Variants in POC5 observed in about 807,000 individuals in gnomAD.
POC5 encodes the protein centrosomal protein POC5.
Under a neutral mutation model 62.9 loss-of-function variants are expected in POC5, and 48 were observed. The ratio of observed to expected loss-of-function variants is 0.76; its 90% CI spans 0.61 to 0.97. The LOEUF (loss-of-function observed/expected upper bound fraction) is 0.97. POC5 is among the 50% of genes least tolerant of loss of function. The pLI is 0.00. For synonymous variants in POC5, 236 were observed against 228.2 expected, an observed-to-expected ratio of 1.03 and a Z score of -0.31; for missense variants, 696 against 679.5, an observed-to-expected ratio of 1.02 and a Z score of -0.27.
chr5:75,698,516 C>T (rs1776711467), intron 5 of POC5, among the ~76,000 whole-genome samples: 1 of 151,738 alleles, frequency 6.6e-6, no homozygotes, highest in African/African-American at 2.4e-5. Context: ...TCTTTGAAAC[C>T]ACCGAGAACA....
At chr5:75,675,685 T>G (rs1775623863) in intron 11 of POC5, among the ~76,000 whole-genome samples, 1 of 152,226 alleles carries the variant, frequency 6.6e-6, no homozygotes, top group Non-Finnish European at 1.5e-5. Context: ...GATAAGAAAT[T>G]TTAGTTGCCA....
intron 1 of POC5, among the ~76,000 whole-genome samples, 192 bp from the exon 2 acceptor site, chr5:75,713,143 T>C (rs543964070): frequency 1.2e-4 from 18 of 152,298 alleles, no homozygotes; most frequent in African/African-American, 3.6e-4. Flanking sequence ...CCAGTCCCAA[T>C]ATTAGTGAGT....
intron 5 of POC5, among the ~76,000 whole-genome samples, chr5:75,699,010 T>G (rs1335102555): frequency 6.6e-6 from 1 of 151,964 alleles, no homozygotes; most frequent in East Asian, 1.9e-4. Context: ...CTCCCAAGAC[T>G]AAACCAGGAA....
Position 75,677,947 on chromosome 5 carries a change from C to A in POC5, c.1411G>T (p.Val471Leu). The A allele has an allele frequency of 1.3e-6, 2 of 1,526,152 alleles. No homozygotes were observed. The highest frequency in any genetic ancestry group is 2.1e-5 in the Admixed American group (1 of 46,554). The allele number at this position is 1,526,152 out of a possible 1,614,324, so 94.5% of individuals were successfully genotyped here. A position where few individuals can be genotyped will look rare whatever the true frequency, so the allele number is the denominator to read the frequency against. ...AATAASEEMY[V>L]PRVVTSAQQK... ...TGTGCAGAGGTTACAACTCTTGGCACATACTAAGAAGAAAAAAAAATAAAA... is the reference window on the plus strand; with the variant it reads ...TGTGCAGAGGTTACAACTCTTGGCAAATACTAAGAAGAAAAAAAAATAAAA... Residue 471 changes from valine (V) to leucine (L), a missense_variant, in exon 11 of 12, where the codon GTG becomes TTG. Physicochemically the swap from Val to Leu is conservative, Grantham distance 32. Transcript: ENST00000428202.
At chr5:75,700,598 C>G in intron 5 of POC5, among the ~76,000 whole-genome samples, 1 of 150,154 alleles carries the variant, frequency 6.7e-6, no homozygotes, top group African/African-American at 2.4e-5. Flanking sequence ...AAATGTTAGA[C>G]CTAAAACCAT....
At chr5:75,681,891 T>C (rs1368049241) in intron 10 of POC5, among the ~76,000 whole-genome samples, 1 of 152,198 alleles carries the variant, frequency 6.6e-6, no homozygotes, top group African/African-American at 2.4e-5. Context: ...CACAGTAAGT[T>C]AGCCAACTAC....
intron 11 of POC5, among the ~76,000 whole-genome samples, chr5:75,676,601 A>G (rs1250255223): frequency 2.6e-5 from 4 of 152,158 alleles, no homozygotes; most frequent in Non-Finnish European, 4.4e-5. Context: ...TAATACTTAG[A>G]AAGTACACAG....
chr5:75,692,448 A>C lies in POC5; in HGVS notation c.743T>G (p.Leu248Trp). 1 of 1,599,500 alleles carries C rather than the reference A, an allele frequency of 6.3e-7. No individual in the cohort carries two copies. The highest frequency in any genetic ancestry group is 8.5e-7 in the Non-Finnish European group (1 of 1,172,654). Residue 248 changes from leucine (L) to tryptophan (W), a missense_variant, in exon 7 of 12, where the codon TTG becomes TGG. Physicochemically the swap from Leu to Trp is moderately conservative, Grantham distance 61. Transcript: ENST00000428202. ...TCGCCAGTGGAAGAATGTTCTCATC[A>C]ACTCTATCTTTTCCTTTTGCTTGCC... ...AIGKQKEKIE[L>W]MRTFFHWRIG... is the part of the protein sequence containing the mutation.
At chr5:75,697,634 G>T (rs951025298) in intron 5 of POC5, among the ~76,000 whole-genome samples, 2 of 151,978 alleles carry the variant, frequency 1.3e-5, no homozygotes, top group South Asian at 2.1e-4. Context: ...AGACTAGGAA[G>T]AAACTGCATC....
At chr5:75,690,610 T>C (rs778620862) in intron 7 of POC5, 48 bp from the exon 8 acceptor site, 6 of 1,380,068 alleles carry the variant, frequency 4.3e-6, no homozygotes, top group East Asian at 2.5e-5. Context: ...GATTGATAAA[T>C]ATATTGGTAG....
At chr5:75,708,732 C>T (rs1267670210) in intron 2 of POC5, among the ~76,000 whole-genome samples, 2 of 152,040 alleles carry the variant, frequency 1.3e-5, no homozygotes, top group African/African-American at 2.4e-5. Flanking sequence ...TTTAAAAAAG[C>T]TTATGCTTTT....
chr5:75,701,284 G>A (rs1243322694), intron 5 of POC5, among the ~76,000 whole-genome samples: 4 of 131,826 alleles, frequency 3.0e-5, no homozygotes, highest in South Asian at 2.7e-4. Context: ...TGTTTATTGC[G>A]GCATTATTCA....
chr5:75,705,054 G>C (rs1384302833), intron 4 of POC5, among the ~76,000 whole-genome samples: 1 of 152,086 alleles, frequency 6.6e-6, no homozygotes, highest in Non-Finnish European at 1.5e-5. Flanking sequence ...TTAAAAATTA[G>C]CTAGGTGTGG....
chr5:75,685,716 A>G (rs1776075536), intron 9 of POC5, among the ~76,000 whole-genome samples: 1 of 152,232 alleles, frequency 6.6e-6, no homozygotes, highest in Non-Finnish European at 1.5e-5. Context: ...AAGCTAATGG[A>G]TCATTTGTTC....
chr5:75,704,153 CAAAAAA>C (rs373819320), intron 4 of POC5, among the ~76,000 whole-genome samples: 1 of 89,638 alleles, frequency 1.1e-5, no homozygotes, highest in Admixed American at 1.3e-4. Context: ...GACTCTGTCT[CAAAAAA>C]AAAAAAAAAA....
At chr5:75,683,008 T>C (rs969502613) in intron 10 of POC5, among the ~76,000 whole-genome samples, 1 of 152,210 alleles carries the variant, frequency 6.6e-6, no homozygotes, top group Non-Finnish European at 1.5e-5. Context: ...TCTGTCTCAA[T>C]ACCTCCTTTA....
At chr5:75,704,341 T>C (rs985844412) in intron 4 of POC5, among the ~76,000 whole-genome samples, 5 of 152,254 alleles carry the variant, frequency 3.3e-5, no homozygotes, top group African/African-American at 9.6e-5. Context: ...AACTTGTTAC[T>C]TAAATCTTTC....
intron 8 of POC5, among the ~76,000 whole-genome samples, chr5:75,690,000 C>T (rs1264717869): frequency 1.3e-5 from 2 of 152,118 alleles, no homozygotes; most frequent in Non-Finnish European, 2.9e-5. Flanking sequence ...ATTATCCTGC[C>T]TCAGCCTCCC....
chr5:75,685,167 G>A (rs749797072), intron 10 of POC5, 40 bp downstream of exon 10: 25 of 1,548,672 alleles, frequency 1.6e-5, no homozygotes, highest in South Asian at 1.1e-4. Flanking sequence ...GGGCCTGGCC[G>A]CCCTTTTCAT....
Sources: allele counts gnomAD v4.1 joint callset (sites outside exome capture counted in the v4.1 genomes callset), GRCh38; gene constraint gnomAD v4.1.1; transcripts MANE v1.5; gene names NCBI Gene and HGNC (gene_info 2026-07-23, HGNC 2026-07-21).